The following RELN variants were observed in gnomAD, a reference collection of about 807,000 sequenced individuals.
RELN encodes the protein reelin.
A neutral mutation model predicts 427.6 loss-of-function variants in RELN; 108 were observed. The observed-to-expected ratio is 0.25, with a 90% CI of 0.22 to 0.30. The LOEUF is 0.30. RELN is among the 10% of genes least tolerant of loss of function. The pLI, the probability that RELN is intolerant of heterozygous loss-of-function variation, is 1.00. For missense variants in RELN, 3,715 were observed against 4,302.8 expected (o/e 0.86, Z 3.82); for synonymous variants, 1,524 against 1,513.4 (o/e 1.01, Z -0.16).
At chr7:103,969,534 A>AT (rs1482773987) in intron 1 of RELN, among the ~76,000 whole-genome samples, 2 of 152,180 alleles carry the variant, frequency 1.3e-5, no homozygotes, top group African/African-American at 4.8e-5. Context: ...TAGGAGAAAA[A>AT]TTTTCTATTA....
chr7:103,795,629 G>A (rs147910128), intron 3 of RELN, among the ~76,000 whole-genome samples: 6 of 152,206 alleles, frequency 3.9e-5, no homozygotes, highest in African/African-American at 1.4e-4. Context: ...TCCAATTTCA[G>A]GAACTTCACT....
chr7:103,668,921 A>G (rs1037882659), intron 11 of RELN, among the ~76,000 whole-genome samples: 3 of 152,190 alleles, frequency 2.0e-5, no homozygotes, highest in African/African-American at 7.2e-5. Context: ...GTGAAAAATT[A>G]AATTGAAAAA....
intron 1 of RELN, among the ~76,000 whole-genome samples, chr7:103,965,845 A>G (rs1255820488): frequency 6.6e-6 from 1 of 152,220 alleles, no homozygotes; most frequent in Non-Finnish European, 1.5e-5. Context: ...AAAATTATGT[A>G]AACATTTATT....
At chr7:103,536,442 A>G (rs1830053757) in intron 45 of RELN, among the ~76,000 whole-genome samples, 1 of 152,158 alleles carries the variant, frequency 6.6e-6, no homozygotes, top group African/African-American at 2.4e-5. Flanking sequence ...TACCTTTAGA[A>G]ATGACTGATT....
In RELN at chr7:103,824,627, AGTGT is replaced by A. The variant is rs368098458; in HGVS notation, c.473+8906_473+8909del. ...GTGTTTTCACTTTCTTTCAAAACAG[AGTGT>A]GTGTGTGTGTGTGTGTGTGTGTGTG... On this transcript the variant is annotated intron_variant, in intron 3 of 64. Transcript: ENST00000428762. This position sits in a 1 kb window ranked among gnomAD's most constrained non-coding sequence, Gnocchi z 4.4. Among the ~76,000 whole-genome samples the A allele has an allele frequency of 0.14, 18,079 of 130,740 alleles. 1,298 individuals carry two copies. The highest frequency in any genetic ancestry group is 0.26 in the East Asian group (1,125 of 4,270). The allele number at this position is 130,740 out of a possible 152,430, so 85.8% of individuals were successfully genotyped here.
At chr7:103,676,460 A>G (rs1377729477) in intron 11 of RELN, among the ~76,000 whole-genome samples, 1 of 152,224 alleles carries the variant, frequency 6.6e-6, no homozygotes, top group Admixed American at 6.5e-5. Context: ...AACTAGTTCA[A>G]CCACTGTGGA....
intron 24 of RELN, among the ~76,000 whole-genome samples, chr7:103,597,329 G>A (rs1380798912): frequency 2.0e-5 from 3 of 152,120 alleles, no homozygotes; most frequent in African/African-American, 4.8e-5. Flanking sequence ...GAGGCCAGGC[G>A]CGGTGGCTCA....
intron 31 of RELN, among the ~76,000 whole-genome samples, chr7:103,568,163 T>G (rs1442592170): frequency 1.3e-5 from 2 of 152,192 alleles, no homozygotes; most frequent in Admixed American, 6.6e-5. Flanking sequence ...TCCCTATTCT[T>G]GACTAACTAG....
chr7:103,713,320 AATGG>A (rs1367239250), intron 8 of RELN, among the ~76,000 whole-genome samples: 3 of 152,176 alleles, frequency 2.0e-5, no homozygotes, highest in African/African-American at 7.2e-5. Context: ...AAAGTTATAG[AATGG>A]ATGCATTCTG....
At chr7:103,635,321 T>C (rs970029862) in intron 19 of RELN, 104 bp downstream of exon 19, 5 of 1,280,882 alleles carry the variant, frequency 3.9e-6, no homozygotes, top group Non-Finnish European at 5.5e-6. Context: ...GTGCGCTCCA[T>C]CTGTCAATGG....
intron 7 of RELN, among the ~76,000 whole-genome samples, chr7:103,726,745 A>G (rs1790221413): frequency 6.6e-6 from 1 of 152,126 alleles, no homozygotes; most frequent in South Asian, 2.1e-4. Context: ...AGCTCAATTA[A>G]CTACAGTAAA....
chr7:103,948,886 A>G (rs1178748583), intron 1 of RELN, among the ~76,000 whole-genome samples: 1 of 151,664 alleles, frequency 6.6e-6, no homozygotes, highest in Non-Finnish European at 1.5e-5. Context: ...GTGGTGGTGC[A>G]TGCCTGTAGT....
chr7:103,609,222 CAAAAAA>C (rs11342938), intron 22 of RELN, among the ~76,000 whole-genome samples: 8 of 120,700 alleles, frequency 6.6e-5, no homozygotes, highest in African/African-American at 1.8e-4. Flanking sequence ...GACTCTGTCT[CAAAAAA>C]AAAAAAAAAA....
chr7:103,520,975 T>TTA (rs1829693349), intron 48 of RELN, among the ~76,000 whole-genome samples: 1 of 132,784 alleles, frequency 7.5e-6, no homozygotes, highest in African/African-American at 2.8e-5. Context: ...TTTTTTTTTT[T>TTA]TTTTTTTTTT....
chr7:103,675,425 A>G (rs1024383206), intron 11 of RELN, among the ~76,000 whole-genome samples: 15 of 152,200 alleles, frequency 9.9e-5, no homozygotes, highest in African/African-American at 3.1e-4. Flanking sequence ...ATGCTCATGG[A>G]TAGGAACAAT....
At chr7:103,695,809 C>A (rs1379144735) in intron 10 of RELN, among the ~76,000 whole-genome samples, 1 of 152,042 alleles carries the variant, frequency 6.6e-6, no homozygotes, top group Non-Finnish European at 1.5e-5. Context: ...ATATGACATA[C>A]GCTATTCTGA....
chr7:103,812,277 A>G (rs1792762022), intron 3 of RELN, among the ~76,000 whole-genome samples: 1 of 152,028 alleles, frequency 6.6e-6, no homozygotes. Flanking sequence ...TGAGTCCCTA[A>G]AGCTGCCCAG....
Position 103,989,610 on chromosome 7 carries a change from C to T in RELN, c.-254G>A, listed in dbSNP as rs1337579485. 1 of 370,362 alleles carries T rather than the reference C, an allele frequency of 2.7e-6. No individual in the cohort carries two copies. The highest frequency in any genetic ancestry group is 4.7e-6 in the Non-Finnish European group (1 of 213,918). The allele number at this position is 370,362 out of a possible 1,614,324, so 22.9% of individuals were successfully genotyped here. ...GCGCCGAGAGCGCGTCGTCTGCCGC[C>T]TCCGTGCGCCGCCGCCGCCTCTGCG... is the stretch of plus-strand genomic sequence containing the variant. On this transcript the variant is annotated 5_prime_UTR_variant, in exon 1 of 65. Coordinates refer to ENST00000428762, the MANE Select transcript of RELN (RefSeq NM_005045.4). This position sits in a 1 kb window ranked among gnomAD's most constrained non-coding sequence, Gnocchi z 4.9.
At position 103,989,372 on chromosome 7, in the gene RELN, G is replaced by GCCGCCGCCGCCGCCA. The variant is rs1797177295; in HGVS notation, c.-17_-16insTGGCGGCGGCGGCGG. On this transcript the variant is annotated 5_prime_UTR_variant, in exon 1 of 65. Coordinates refer to ENST00000428762, the MANE Select transcript of RELN (RefSeq NM_005045.4). The surrounding 1 kb of genome is among the most constrained non-coding windows in gnomAD (Gnocchi z 4.9). ...TGCGCTCCATGCCGCCGCCGCCGCC[G>GCCGCCGCCGCCGCCA]CCGCCGCCGCGCGCCCTACGCGCCG... 2 of 1,424,864 alleles carry GCCGCCGCCGCCGCCA rather than the reference G, an allele frequency of 1.4e-6. No individual in the cohort carries two copies. The highest frequency in any genetic ancestry group is 1.8e-6 in the Non-Finnish European group (2 of 1,092,632). The allele number at this position is 1,424,864 out of a possible 1,614,324, so 88.3% of individuals were successfully genotyped here. A position where few individuals can be genotyped will look rare whatever the true frequency, so the allele number is the denominator to read the frequency against.
Sources: gnomAD v4.1 joint callset for allele counts (sites outside exome capture counted in the v4.1 genomes callset) on GRCh38, gnomAD v4.1.1 for gene constraint, Gnocchi (gnomAD v3.1) non-coding constraint, MANE v1.5 for transcripts, NCBI Gene and HGNC (gene_info 2026-07-23, HGNC 2026-07-21) for gene names.